Variants in THAP4 observed in about 807,000 individuals in gnomAD.
THAP4 encodes peroxynitrite isomerase THAP4.
In THAP4, 18 loss-of-function variants were observed where a neutral mutation model predicts 48.1. The ratio of observed to expected loss-of-function variants is 0.37; its 90% CI spans 0.26 to 0.56. The LOEUF is 0.56. Among genes scored for constraint, THAP4 ranks in the 20% least tolerant of loss-of-function variants. The probability of loss-of-function intolerance (pLI) is 0.78; values close to 1 mark genes in which losing one functional copy is unlikely to be tolerated. For missense variants in THAP4, 656 were observed against 774.9 expected (o/e 0.85, Z 1.82); for synonymous variants, 345 against 324.9 (o/e 1.06, Z -0.66).
intron 2 of THAP4, among the ~76,000 whole-genome samples, chr2:241,613,854 T>G (rs549952587): frequency 6.6e-6 from 1 of 152,064 alleles, no homozygotes; most frequent in African/African-American, 2.4e-5. Flanking sequence ...AACTTACATA[T>G]GAAAAAGCTT....
intron 5 of THAP4, among the ~76,000 whole-genome samples, chr2:241,590,965 G>A (rs71217047): frequency 2.8e-5 from 4 of 144,832 alleles, no homozygotes; most frequent in East Asian, 2.3e-4. Context: ...GGCTGACGAT[G>A]ATGGGCACTA....
intron 1 of THAP4, among the ~76,000 whole-genome samples, chr2:241,635,788 A>T (rs1216160294): frequency 6.6e-6 from 1 of 151,364 alleles, no homozygotes; most frequent in East Asian, 1.9e-4. Context: ...AGAAAAAAAG[A>T]AAAAAAAACC....
At position 241,631,043 on chromosome 2, in the gene THAP4, G is replaced by A. The variant is rs141204436; in HGVS notation, c.1240+1874C>T. On this transcript the variant is annotated intron_variant, in intron 2 of 5. Transcript: ENST00000407315. ...ACTGCACTCCAACCTCGGCAACAGA[G>A]TGAGATGCCATCTCAAAAAATAAAA... is the stretch of plus-strand genomic sequence containing the variant. 1.0e-3 allele frequency among the ~76,000 whole-genome samples: 152 copies of A among 152,246 alleles called. 2 individuals are homozygous for A. In the East Asian group the frequency reaches 0.028, roughly 28 times the overall value.
At chr2:241,591,416 A>T (rs2066977658) in intron 5 of THAP4, among the ~76,000 whole-genome samples, 1 of 152,244 alleles carries the variant, frequency 6.6e-6, no homozygotes, top group South Asian at 2.1e-4. Context: ...AATGTATCAA[A>T]CTGCACACTT....
At position 241,634,060 on chromosome 2, in the gene THAP4, T is replaced by C. The variant is rs762904738; in HGVS notation, c.97A>G (p.Lys33Glu). 2 of 1,593,432 alleles carry C rather than the reference T, an allele frequency of 1.3e-6. No homozygotes were observed. Among genetic ancestry groups the C allele is most frequent in the Non-Finnish European group, 1.7e-6 (2 of 1,168,702 alleles). ...SFHRFPLKDS[K>E]RLIQWLKAVQ... ...GCTTTTAACCATTGGATTAGACGTT[T>C]TGAGTCCTTTAGGGGGAACCTACAG... The change falls in exon 2 of 6, where the codon AAA becomes GAA. Residue 33 changes from lysine (K) to glutamate (E), a missense_variant. Transcript: ENST00000407315.
At chr2:241,603,735 C>T (rs569528142) in intron 3 of THAP4, among the ~76,000 whole-genome samples, 64 of 152,320 alleles carry the variant, frequency 4.2e-4, no homozygotes, top group East Asian at 3.9e-4. Flanking sequence ...TCAATTCCTA[C>T]GGTAAAAAAC....
At chr2:241,637,384 G>C, upstream of THAP4, 1 of 1,411,910 alleles carries the variant, frequency 7.1e-7, no homozygotes, top group Non-Finnish European at 9.3e-7. Context: ...GCTCGGACGG[G>C]GACAGAGCTC....
intron 3 of THAP4, among the ~76,000 whole-genome samples, chr2:241,605,185 T>C (rs895916283): frequency 2.0e-5 from 3 of 152,126 alleles, no homozygotes; most frequent in Non-Finnish European, 4.4e-5. Flanking sequence ...ATGCATTCAA[T>C]CAATAATAAT....
At chr2:241,625,806 A>G (rs901198796) in intron 2 of THAP4, among the ~76,000 whole-genome samples, 1 of 146,918 alleles carries the variant, frequency 6.8e-6, no homozygotes, top group Non-Finnish European at 1.5e-5. Context: ...TCAAAAAAAA[A>G]AAAAAAAAAA....
chr2:241,637,050 C>G lies in THAP4; in HGVS notation c.-33G>C. The G allele has an allele frequency of 8.7e-7, 1 of 1,152,694 alleles. No individual in the cohort carries two copies. Among genetic ancestry groups the G allele is most frequent in the Non-Finnish European group, 1.1e-6 (1 of 925,864 alleles). The allele number at this position is 1,152,694 out of a possible 1,614,324, so 71.4% of individuals were successfully genotyped here. On this transcript the variant is annotated 5_prime_UTR_variant, in exon 1 of 6. Transcript: ENST00000407315. Reference sequence around the variant, plus strand: ...CTTGGCCCAGCCGCGCAGCCAGGCCCCGGCCCTAGCCGCCCGCCCGCCCGC... The same window carrying G: ...CTTGGCCCAGCCGCGCAGCCAGGCCGCGGCCCTAGCCGCCCGCCCGCCCGC...
chr2:241,630,990 A>T (rs767657595), intron 2 of THAP4, among the ~76,000 whole-genome samples: 36 of 152,058 alleles, frequency 2.4e-4, no homozygotes, highest in Non-Finnish European at 1.0e-4. Context: ...CCCGGGAGGC[A>T]GAGGTTGCAG....
chr2:241,619,825 G>T (rs1333334909), intron 2 of THAP4, among the ~76,000 whole-genome samples: 5 of 126,990 alleles, frequency 3.9e-5, no homozygotes, highest in African/African-American at 6.0e-5. Context: ...TGAGTGAGTT[G>T]TGAGTCGTGA....
At chr2:241,629,864 C>G (rs527578998) in intron 2 of THAP4, among the ~76,000 whole-genome samples, 2 of 151,722 alleles carry the variant, frequency 1.3e-5, no homozygotes, top group East Asian at 3.9e-4. Flanking sequence ...ATCAGCAGAC[C>G]GAGAGCCTGA....
In THAP4 at chr2:241,616,893, AAAC is replaced by A. The variant is rs1482601468; in HGVS notation, c.1241-10423_1241-10421del. On this transcript the variant is annotated intron_variant, in intron 2 of 5. Coordinates refer to ENST00000407315, the MANE Select transcript of THAP4 (RefSeq NM_015963.6). This position sits in a 1 kb window ranked among gnomAD's most constrained non-coding sequence, Gnocchi z 4.6. The stretch of plus-strand genomic sequence containing the variant: ...GGACAGGGACAACAGGTCAGGCAGT[AAAC>A]AAGCAGCGGCGGCGCCTCCTTCTGT... Among the ~76,000 whole-genome samples, 1 of 151,900 alleles carries A rather than the reference AAAC, an allele frequency of 6.6e-6. No homozygotes were observed. The highest frequency in any genetic ancestry group is 1.5e-5 in the Non-Finnish European group (1 of 67,924).
chr2:241,626,633 G>A (rs1309469221), intron 2 of THAP4, among the ~76,000 whole-genome samples: 1 of 151,198 alleles, frequency 6.6e-6, no homozygotes, highest in Non-Finnish European at 1.5e-5. Flanking sequence ...GCGTGATCTC[G>A]ACTCACTGCA....
intron 2 of THAP4, among the ~76,000 whole-genome samples, chr2:241,624,496 A>AG (rs531818532): frequency 6.6e-6 from 1 of 152,170 alleles, no homozygotes; most frequent in East Asian, 1.9e-4. Context: ...AAAAAAAAAA[A>AG]AAAGATACAA....
intron 2 of THAP4, among the ~76,000 whole-genome samples, chr2:241,606,941 G>A (rs1326193522): frequency 3.3e-5 from 5 of 152,196 alleles, no homozygotes; most frequent in Non-Finnish European, 5.9e-5. Flanking sequence ...GAGGCACGGT[G>A]CCCTGGCGTG....
chr2:241,603,632 TCA>T, intron 3 of THAP4, among the ~76,000 whole-genome samples: 1 of 152,236 alleles, frequency 6.6e-6, no homozygotes, highest in South Asian at 2.1e-4. Flanking sequence ...AGCCCAGGCC[TCA>T]CACAGTGTCA....
Position 241,584,440 on chromosome 2 carries a change from CT to C in THAP4, c.*165del, listed in dbSNP as rs1316396612. On this transcript the variant is annotated 3_prime_UTR_variant, in exon 6 of 6. Transcript: ENST00000407315. ...AATCCTCAGCCATAAAAATAAAGGCCTTTTATTTGGTTTTTCTATGCCAGTA... is the reference window on the plus strand; with the variant it reads ...AATCCTCAGCCATAAAAATAAAGGCCTTTATTTGGTTTTTCTATGCCAGTA... 5.6e-5 allele frequency: 38 copies of C among 675,034 alleles called. No homozygotes were observed. Among genetic ancestry groups the C allele is most frequent in the Non-Finnish European group, 9.0e-5 (36 of 398,896 alleles). The allele number at this position is 675,034 out of a possible 1,614,324, so 41.8% of individuals were successfully genotyped here. A position where few individuals can be genotyped will look rare whatever the true frequency, so the allele number is the denominator to read the frequency against.
Sources: gnomAD v4.1 joint callset for allele counts (sites outside exome capture counted in the v4.1 genomes callset) on GRCh38, gnomAD v4.1.1 for gene constraint, Gnocchi (gnomAD v3.1) non-coding constraint, MANE v1.5 for transcripts, NCBI Gene and HGNC (gene_info 2026-07-23, HGNC 2026-07-21) for gene names.